PDE11A: variants seen among roughly 807,000 people sequenced by gnomAD.
The protein encoded by PDE11A is dual 3',5'-cyclic-AMP and -GMP phosphodiesterase 11A.
In PDE11A, 100 loss-of-function variants were observed where a neutral mutation model predicts 100.5. That is an observed-to-expected ratio of 1.00 (90% CI 0.85 to 1.18). PDE11A has a LOEUF of 1.18. Ranked by LOEUF, PDE11A falls within the 50% of genes most tolerant of loss-of-function variation. PDE11A has a pLI of 0.00. For synonymous variants in PDE11A, 381 were observed against 420.8 expected, an observed-to-expected ratio of 0.91 and a Z score of 1.16; for missense variants, 1,141 against 1,152.6, an observed-to-expected ratio of 0.99 and a Z score of 0.15.
At chr2:178,053,864 A>G (rs2086862338) in intron 1 of PDE11A, among the ~76,000 whole-genome samples, 1 of 152,172 alleles carries the variant, frequency 6.6e-6, no homozygotes, top group African/African-American at 2.4e-5. Context: ...AGAAGAGAGG[A>G]CACAAACAAG....
At chr2:177,996,544 T>G (rs2086078371) in intron 2 of PDE11A, among the ~76,000 whole-genome samples, 1 of 151,692 alleles carries the variant, frequency 6.6e-6, no homozygotes, top group African/African-American at 2.4e-5. Flanking sequence ...ACATTTCTAT[T>G]CAAATAGTAA....
chr2:178,079,226 G>T (rs1471345017), intron 2 of PDE11A, among the ~76,000 whole-genome samples: 1 of 152,128 alleles, frequency 6.6e-6, no homozygotes, highest in African/African-American at 2.4e-5. Flanking sequence ...GTGCTGCACA[G>T]ATCAACACAT....
intron 2 of PDE11A, among the ~76,000 whole-genome samples, chr2:177,986,156 G>A (rs1574324265): frequency 6.6e-6 from 1 of 152,152 alleles, no homozygotes; most frequent in Non-Finnish European, 1.5e-5. Flanking sequence ...GGAACACACA[G>A]GTAAAACACA....
rs919828666 is a variant in PDE11A at position 178,036,815 on chromosome 2, C to T, written c.913-22355G>A. Among the ~76,000 whole-genome samples, 3 of 152,076 alleles carry T rather than the reference C, an allele frequency of 2.0e-5. No homozygotes were observed. In the South Asian group the frequency reaches 6.2e-4, roughly 32 times the overall value. On this transcript the variant is annotated intron_variant, in intron 1 of 19. Coordinates refer to ENST00000286063, the MANE Select transcript of PDE11A (RefSeq NM_016953.4). The stretch of plus-strand genomic sequence containing the variant: ...AAATGGTGCTGGGAAAACTGGCTAG[C>T]CATATGCAGAAAACAGAAACTGGAC...
intron 2 of PDE11A, among the ~76,000 whole-genome samples, chr2:177,927,247 T>C (rs1418176858): frequency 1.3e-5 from 2 of 152,262 alleles, no homozygotes; most frequent in Non-Finnish European, 2.9e-5. Context: ...GGTCAACCTT[T>C]GCATTTGAAA....
At chr2:177,844,811 C>G (rs4338993) in intron 5 of PDE11A, among the ~76,000 whole-genome samples, 1 of 150,996 alleles carries the variant, frequency 6.6e-6, no homozygotes, top group African/African-American at 2.4e-5. Flanking sequence ...TCCATTTAAC[C>G]CTGAGTGGAC....
At chr2:177,965,956 C>T (rs575105231) in intron 2 of PDE11A, among the ~76,000 whole-genome samples, 29 of 152,260 alleles carry the variant, frequency 1.9e-4, no homozygotes, top group African/African-American at 6.3e-4. Flanking sequence ...GGCAGTATAG[C>T]CATTTTAATG....
chr2:177,775,846 C>T (rs968090614), intron 9 of PDE11A, among the ~76,000 whole-genome samples: 5 of 152,134 alleles, frequency 3.3e-5, no homozygotes, highest in Admixed American at 2.0e-4. Context: ...CTTCATGCCA[C>T]TTGCACAATT....
At chr2:177,844,956 CAA>C (rs1307984659) in intron 5 of PDE11A, among the ~76,000 whole-genome samples, 23 of 151,774 alleles carry the variant, frequency 1.5e-4, no homozygotes, top group African/African-American at 5.5e-4. Flanking sequence ...ACAGACACGG[CAA>C]CCATCCGATT....
intron 1 of PDE11A, among the ~76,000 whole-genome samples, chr2:178,067,163 T>C (rs1186392830): frequency 6.6e-6 from 1 of 152,064 alleles, no homozygotes; most frequent in East Asian, 1.9e-4. Context: ...CATGCTTGAG[T>C]TTAATTGTTC....
chr2:178,027,585 C>T lies in PDE11A; in HGVS notation c.913-13125G>A, dbSNP rs541601349. The stretch of plus-strand genomic sequence containing the variant: ...TCCTATACTTTCAGCAAGATATAAG[C>T]GAGTCCAAGCTAGCAATCCAAATGG... On this transcript the variant is annotated intron_variant, in intron 1 of 19. Coordinates refer to ENST00000286063, the MANE Select transcript of PDE11A (RefSeq NM_016953.4). 1.2e-4 allele frequency among the ~76,000 whole-genome samples: 18 copies of T among 152,214 alleles called. No homozygotes were observed. In the South Asian group the frequency reaches 3.1e-3, roughly 26 times the overall value.
At chr2:177,942,657 C>T (rs1559016925) in intron 2 of PDE11A, among the ~76,000 whole-genome samples, 2 of 152,132 alleles carry the variant, frequency 1.3e-5, no homozygotes, top group Admixed American at 1.3e-4. Flanking sequence ...CCGCCTCGGC[C>T]TCTCAAAGTG....
At chr2:177,727,459 T>A (rs1205723660) in intron 12 of PDE11A, among the ~76,000 whole-genome samples, 199 bp downstream of exon 12, 1 of 152,140 alleles carries the variant, frequency 6.6e-6, no homozygotes, top group Admixed American at 6.6e-5. Context: ...AAGGCTACAC[T>A]GGCTTCAAGG....
chr2:177,834,505 G>A (rs1423513863), intron 6 of PDE11A, among the ~76,000 whole-genome samples: 1 of 152,172 alleles, frequency 6.6e-6, no homozygotes, highest in Non-Finnish European at 1.5e-5. Flanking sequence ...TTGCAGGCAT[G>A]TGCACAGGAC....
At chr2:177,973,231 C>T (rs1177874009) in intron 2 of PDE11A, among the ~76,000 whole-genome samples, 1 of 136,220 alleles carries the variant, frequency 7.3e-6, no homozygotes, top group Non-Finnish European at 1.6e-5. Context: ...TGTGTGTGCG[C>T]ACCGTGCGCG....
intron 2 of PDE11A, among the ~76,000 whole-genome samples, chr2:177,963,659 C>T (rs527841688): frequency 1.5e-5 from 2 of 136,070 alleles, no homozygotes; most frequent in South Asian, 4.8e-4. Flanking sequence ...CTCTGCTTCT[C>T]TCTTGAAATC....
intron 1 of PDE11A, among the ~76,000 whole-genome samples, chr2:178,060,003 A>T (rs1335038872): frequency 6.6e-6 from 1 of 152,258 alleles, no homozygotes; most frequent in African/African-American, 2.4e-5. Context: ...AGACATTGAA[A>T]TATGAGCAAG....
chr2:177,766,085 G>A (rs1203454967), intron 10 of PDE11A, among the ~76,000 whole-genome samples: 1 of 152,026 alleles, frequency 6.6e-6, no homozygotes, highest in African/African-American at 2.4e-5. Flanking sequence ...TAACTCAGTG[G>A]TCTCCATGCT....
chr2:177,903,148 A>C (rs1409939518), intron 3 of PDE11A, among the ~76,000 whole-genome samples: 1 of 151,934 alleles, frequency 6.6e-6, no homozygotes, highest in African/African-American at 2.4e-5. Context: ...CTGCTCTCTA[A>C]ACACACTGAC....
Sources: allele counts gnomAD v4.1 joint callset (sites outside exome capture counted in the v4.1 genomes callset), GRCh38; gene constraint gnomAD v4.1.1; transcripts MANE v1.5; gene names NCBI Gene and HGNC (gene_info 2026-07-23, HGNC 2026-07-21).